The following SH3BGRL variants were observed in gnomAD, a reference collection of about 807,000 sequenced individuals.
SH3BGRL encodes the protein SH3 domain binding glutamate rich protein like.
A neutral mutation model predicts 9.8 loss-of-function variants in SH3BGRL; 7 were observed. The observed-to-expected ratio is 0.72, with a 90% confidence interval of 0.41 to 1.35. SH3BGRL has a LOEUF of 1.35. SH3BGRL is among the 40% of genes most tolerant of loss of function. SH3BGRL has a pLI of 0.01. For synonymous variants in SH3BGRL, 36 were observed against 29.1 expected, an observed-to-expected ratio of 1.24 and a Z score of -0.76; for missense variants, 73 against 84.4, an observed-to-expected ratio of 0.86 and a Z score of 0.53.
At chrX:81,284,996 G>C (rs1312886201) in intron 3 of SH3BGRL, among the ~76,000 whole-genome samples, 3 of 110,704 alleles carry the variant, frequency 2.7e-5, no homozygotes, top group Non-Finnish European at 3.8e-5. Flanking sequence ...TGATAGACTG[G>C]GTTAACAAGA....
intron 1 of SH3BGRL, among the ~76,000 whole-genome samples, chrX:81,272,367 T>A (rs914701431): frequency 9.0e-6 from 1 of 111,452 alleles, no homozygotes; most frequent in Non-Finnish European, 1.9e-5. Flanking sequence ...TTTAGATGTA[T>A]TTTGTAAGTA....
intron 1 of SH3BGRL, among the ~76,000 whole-genome samples, chrX:81,226,110 G>A (rs1043623762): frequency 4.5e-5 from 5 of 111,052 alleles, no homozygotes; most frequent in Non-Finnish European, 9.5e-5. Flanking sequence ...TATTCAGATA[G>A]GTTGTTCCAT....
intron 1 of SH3BGRL, among the ~76,000 whole-genome samples, chrX:81,227,086 C>A (rs1189717077): frequency 2.7e-5 from 3 of 112,127 alleles, no homozygotes; most frequent in Admixed American, 1.9e-4. Flanking sequence ...GCCCATATTA[C>A]AGATCTTTCA....
chrX:81,228,287 T>G (rs1323648412), intron 1 of SH3BGRL, among the ~76,000 whole-genome samples: 2 of 111,775 alleles, frequency 1.8e-5, no homozygotes, highest in African/African-American at 6.5e-5. Context: ...AGATGTACAT[T>G]GGTTCGGTCC....
intron 1 of SH3BGRL, among the ~76,000 whole-genome samples, chrX:81,266,765 G>A (rs900344072): frequency 2.3e-4 from 26 of 112,079 alleles, no homozygotes; most frequent in Non-Finnish European, 4.7e-4. Context: ...AGCTTGATGG[G>A]GATAGCATTG....
At chrX:81,282,735 CACAA>C (rs1190437632) in intron 3 of SH3BGRL, among the ~76,000 whole-genome samples, 1 of 111,221 alleles carries the variant, frequency 9.0e-6, no homozygotes, top group Non-Finnish European at 1.9e-5. Flanking sequence ...TCTGAAAGAG[CACAA>C]ACAATCTAAG....
chrX:81,244,278 C>T (rs752264957), intron 1 of SH3BGRL, among the ~76,000 whole-genome samples: 1 of 111,617 alleles, frequency 9.0e-6, no homozygotes, highest in East Asian at 2.8e-4. Flanking sequence ...TCATTTGGGA[C>T]TATGTTCATG....
chrX:81,231,095 G>A (rs1456380083), intron 1 of SH3BGRL, among the ~76,000 whole-genome samples: 1 of 112,126 alleles, frequency 8.9e-6, no homozygotes, highest in African/African-American at 3.2e-5. Context: ...GAAAAGCCAG[G>A]TTGGATTGAC....
chrX:81,233,316 C>T (rs1179481668), intron 1 of SH3BGRL, among the ~76,000 whole-genome samples: 2 of 112,053 alleles, frequency 1.8e-5, no homozygotes, highest in Admixed American at 9.5e-5. Context: ...ATACGTAGAG[C>T]TTTGTAGACC....
chrX:81,210,156 T>A (rs2075558909), intron 1 of SH3BGRL, among the ~76,000 whole-genome samples: 1 of 110,549 alleles, frequency 9.0e-6, no homozygotes, highest in African/African-American at 3.3e-5. Flanking sequence ...CAAAAATGAG[T>A]CAAGACAAAT....
intron 1 of SH3BGRL, among the ~76,000 whole-genome samples, chrX:81,216,838 A>G (rs1226163441): frequency 1.8e-5 from 2 of 111,566 alleles, no homozygotes; most frequent in Non-Finnish European, 3.8e-5. Context: ...TTATCCATTC[A>G]TCTGTCAACG....
chrX:81,225,875 C>T (rs1399528881), intron 1 of SH3BGRL, among the ~76,000 whole-genome samples: 3 of 111,869 alleles, frequency 2.7e-5, no homozygotes, highest in Non-Finnish European at 5.7e-5. Flanking sequence ...ATTATTTCTT[C>T]TTCTGAAGAA....
At chrX:81,286,202 A>T (rs1223816573) in intron 3 of SH3BGRL, among the ~76,000 whole-genome samples, 1 of 111,193 alleles carries the variant, frequency 9.0e-6, no homozygotes, top group East Asian at 2.8e-4. Context: ...ATGAAATAAG[A>T]TCACTGATAT....
chrX:81,224,692 T>C (rs2075611182), intron 1 of SH3BGRL, among the ~76,000 whole-genome samples: 1 of 111,812 alleles, frequency 8.9e-6, no homozygotes, highest in African/African-American at 3.3e-5. Flanking sequence ...TTTACTAACT[T>C]CATTGTATAC....
At chrX:81,250,326 G>A (rs755618003) in intron 1 of SH3BGRL, among the ~76,000 whole-genome samples, 19 of 108,780 alleles carry the variant, frequency 1.7e-4, no homozygotes, top group African/African-American at 5.7e-4. Context: ...CTTGAACCCG[G>A]GAGGCAGAGG....
At chrX:81,272,038 C>CA (rs759739382) in intron 1 of SH3BGRL, among the ~76,000 whole-genome samples, 61 of 106,811 alleles carry the variant, frequency 5.7e-4, no homozygotes, top group African/African-American at 1.3e-3. Context: ...ACTAAAAATA[C>CA]AAAAAAAAAT....
At chrX:81,251,147 T>C (rs1278580317) in intron 1 of SH3BGRL, among the ~76,000 whole-genome samples, 1 of 112,292 alleles carries the variant, frequency 8.9e-6, no homozygotes, top group African/African-American at 3.2e-5. Context: ...TGAAAATTAC[T>C]CGTATTTTAA....
At chrX:81,225,241 A>G (rs2075613096) in intron 1 of SH3BGRL, among the ~76,000 whole-genome samples, 1 of 111,311 alleles carries the variant, frequency 9.0e-6, no homozygotes, top group African/African-American at 3.3e-5. Flanking sequence ...TTAGGGGAAT[A>G]ACTGTTTTAG....
At chrX:81,291,899 C>G (rs1189242901) in intron 3 of SH3BGRL, among the ~76,000 whole-genome samples, 1 of 112,037 alleles carries the variant, frequency 8.9e-6, no homozygotes, top group Non-Finnish European at 1.9e-5. Context: ...GTCTCACATC[C>G]AGGGCACACT....
Sources: allele counts gnomAD v4.1 joint callset (sites outside exome capture counted in the v4.1 genomes callset), GRCh38; gene constraint gnomAD v4.1.1; transcripts MANE v1.5; gene names NCBI Gene and HGNC (gene_info 2026-07-23, HGNC 2026-07-21).